The following SESTD1 variants were observed in gnomAD, a reference collection of about 807,000 sequenced individuals.
SESTD1 encodes the protein SEC14 and spectrin domain containing 1.
Under a neutral mutation model 101.7 loss-of-function variants are expected in SESTD1, and 43 were observed. That is an observed-to-expected ratio of 0.42 (90% CI 0.33 to 0.55). The LOEUF (loss-of-function observed/expected upper bound fraction) is 0.55, where lower values mean the gene tolerates loss of function less well. Among genes scored for constraint, SESTD1 ranks in the 20% least tolerant of loss-of-function variants. The pLI is 0.07. For synonymous variants in SESTD1, 283 were observed against 286.8 expected, an observed-to-expected ratio of 0.99 and a Z score of 0.13; for missense variants, 647 against 815.1, an observed-to-expected ratio of 0.79 and a Z score of 2.51.
chr2:179,125,063 C>G (rs2044838729), intron 10 of SESTD1, among the ~76,000 whole-genome samples: 1 of 152,114 alleles, frequency 6.6e-6, no homozygotes, highest in Non-Finnish European at 1.5e-5. Context: ...ACATAGGCAC[C>G]CACCACCATC....
intron 1 of SESTD1, among the ~76,000 whole-genome samples, chr2:179,196,046 G>C (rs1044839244): frequency 3.3e-5 from 5 of 152,114 alleles, no homozygotes; most frequent in African/African-American, 1.2e-4. Context: ...CTGAGGTACC[G>C]GGTTCATCTC....
chr2:179,113,435 A>G (rs1248854851), intron 16 of SESTD1, among the ~76,000 whole-genome samples: 1 of 152,208 alleles, frequency 6.6e-6, no homozygotes, highest in African/African-American at 2.4e-5. Flanking sequence ...AAATATGGTA[A>G]TCTCTATAGT....
rs541957508 is a variant in SESTD1 at position 179,204,640 on chromosome 2, A to T, written c.-25-12774T>A. On this transcript the variant is annotated intron_variant, in intron 1 of 17. Coordinates refer to ENST00000428443, the MANE Select transcript of SESTD1 (RefSeq NM_178123.5). The stretch of plus-strand genomic sequence containing the variant: ...CAAAAAAACCTCTCTACTTATATTA[A>T]TTTTGCCTCAGCTTCTTCCTTTTAG... 1.3e-3 allele frequency among the ~76,000 whole-genome samples: 174 copies of T among 134,890 alleles called. 31 individuals carry two copies. The highest frequency in any genetic ancestry group is 2.3e-3 in the Non-Finnish European group (145 of 62,724). 88.5% of individuals were successfully genotyped at this position (134,890 alleles called of 152,430 possible).
At chr2:179,117,157 C>T (rs529951177) in intron 14 of SESTD1, among the ~76,000 whole-genome samples, 14 of 152,188 alleles carry the variant, frequency 9.2e-5, no homozygotes, top group African/African-American at 2.6e-4. Context: ...CTGATGATAA[C>T]GACAAAATAT....
chr2:179,261,616 T>C (rs1193045130), intron 1 of SESTD1, among the ~76,000 whole-genome samples: 2 of 152,092 alleles, frequency 1.3e-5, no homozygotes, highest in Non-Finnish European at 1.5e-5. Context: ...AGGATGGCTA[T>C]CATCAAAAAG....
At position 179,109,586 on chromosome 2, in the gene SESTD1, T is replaced by C. The variant is rs2044462337; in HGVS notation, c.*313A>G. 2 of 419,544 alleles carry C rather than the reference T, an allele frequency of 4.8e-6. No homozygotes were observed. Among genetic ancestry groups the C allele is most frequent in the Non-Finnish European group, 8.4e-6 (2 of 238,146 alleles). 26.0% of individuals were successfully genotyped at this position (419,544 alleles called of 1,614,324 possible). On this transcript the variant is annotated 3_prime_UTR_variant, in exon 18 of 18. Coordinates refer to ENST00000428443, the MANE Select transcript of SESTD1 (RefSeq NM_178123.5). ...TTAATAGAGAGAATTCCTACTCTTATTAGCACCATTCAAAGCTTATTATCA... is the reference window on the plus strand; with the variant it reads ...TTAATAGAGAGAATTCCTACTCTTACTAGCACCATTCAAAGCTTATTATCA...
At chr2:179,259,988 G>A (rs77967254) in intron 1 of SESTD1, among the ~76,000 whole-genome samples, 14,043 of 152,166 alleles carry the variant, frequency 0.092, 2,109 homozygotes, top group African/African-American at 0.32. Flanking sequence ...AATTTTTATA[G>A]ATACTTGTGA....
chr2:179,115,173 C>T lies in SESTD1; in HGVS notation c.1731G>A (p.Gly577=), dbSNP rs199658686. 118 of 1,613,586 alleles carry T rather than the reference C, an allele frequency of 7.3e-5. No individual in the cohort carries two copies. Among genetic ancestry groups the T allele is most frequent in the Non-Finnish European group, 8.4e-5 (99 of 1,179,900 alleles). ...QSLRCTSRSS[G]DTLPRLNRVW... ...CTCTGTTCAGTCGAGGAAGTGTATC[C>T]CCAGATGACCGAGAAGTGCAGCGCA... The change falls in exon 16 of 18, where the codon GGG becomes GGA. Residue 577 remains glycine, a synonymous_variant. Coordinates refer to ENST00000428443, the MANE Select transcript of SESTD1 (RefSeq NM_178123.5).
intron 2 of SESTD1, among the ~76,000 whole-genome samples, chr2:179,188,811 C>G (rs1217102152): frequency 6.6e-6 from 1 of 152,130 alleles, no homozygotes; most frequent in Non-Finnish European, 1.5e-5. Context: ...TCTGTGCACA[C>G]TAACTAGAAA....
chr2:179,136,319 C>G (rs1332159347), intron 9 of SESTD1, among the ~76,000 whole-genome samples: 1 of 152,154 alleles, frequency 6.6e-6, no homozygotes, highest in Non-Finnish European at 1.5e-5. Flanking sequence ...TTTCTGTAGC[C>G]TAGTTCCCTC....
chr2:179,232,144 AAGT>A lies in SESTD1; in HGVS notation c.-26+32352_-26+32354del, dbSNP rs769903492. Among the ~76,000 whole-genome samples the A allele has an allele frequency of 4.6e-5, 7 of 152,246 alleles. No homozygotes were observed. In the South Asian group the frequency reaches 6.2e-4, roughly 14 times the overall value. On this transcript the variant is annotated intron_variant, in intron 1 of 17. Coordinates refer to ENST00000428443, the MANE Select transcript of SESTD1 (RefSeq NM_178123.5). ...TTAAAAAGCAACAGTATATTTTATGAAGTAGTAATAATGCAAACACTCTGATCA... is the reference window on the plus strand; with the variant it reads ...TTAAAAAGCAACAGTATATTTTATGAAGTAATAATGCAAACACTCTGATCA...
chr2:179,248,017 C>T (rs1392274092), intron 1 of SESTD1, among the ~76,000 whole-genome samples: 1 of 151,492 alleles, frequency 6.6e-6, no homozygotes, highest in Non-Finnish European at 1.5e-5. Flanking sequence ...ATTTAAGCTC[C>T]CATCTCAAGA....
intron 5 of SESTD1, among the ~76,000 whole-genome samples, chr2:179,153,051 A>G (rs987076813): frequency 2.0e-5 from 3 of 152,232 alleles, no homozygotes; most frequent in African/African-American, 7.2e-5. Flanking sequence ...AATAATGGTA[A>G]CAACATAAAG....
At chr2:179,233,500 C>A (rs2047015723) in intron 1 of SESTD1, among the ~76,000 whole-genome samples, 1 of 152,062 alleles carries the variant, frequency 6.6e-6, no homozygotes, top group Non-Finnish European at 1.5e-5. Flanking sequence ...GTCACCCAGG[C>A]TGGAGTGCAG....
intron 1 of SESTD1, among the ~76,000 whole-genome samples, chr2:179,199,468 A>T (rs1161011806): frequency 1.3e-5 from 2 of 152,264 alleles, no homozygotes; most frequent in Admixed American, 6.5e-5. Flanking sequence ...GGCCAGCATC[A>T]TCCTGATACC....
At chr2:179,229,749 TTATATATATATA>T (rs71023472) in intron 1 of SESTD1, among the ~76,000 whole-genome samples, 5 of 106,362 alleles carry the variant, frequency 4.7e-5, no homozygotes, top group South Asian at 3.9e-4. Flanking sequence ...TTGTAAGAAC[TTATATATATATA>T]TATATATATA....
chr2:179,136,933 T>C (rs1359815250), intron 9 of SESTD1, among the ~76,000 whole-genome samples: 1 of 152,140 alleles, frequency 6.6e-6, no homozygotes, highest in African/African-American at 2.4e-5. Context: ...CTGAAAGTAA[T>C]TTCCCTTAGT....
rs1291141848 is a variant in SESTD1 at position 179,183,122 on chromosome 2, T to C, written c.122A>G (p.Asp41Gly). 6.2e-7 allele frequency: 1 copy of C among 1,612,108 alleles called. No individual in the cohort carries two copies. Among genetic ancestry groups the C allele is most frequent in the Non-Finnish European group, 8.5e-7 (1 of 1,178,998 alleles). The change falls in exon 3 of 18, where the codon GAT becomes GGT. Residue 41 changes from aspartate to glycine, a missense_variant. Around this residue, in one of 3 missense-constraint regions of SESTD1, gnomAD observed 168 missense variants for 235.1 expected, o/e 0.71. Transcript: ENST00000428443. Reference protein sequence around the residue: ...IPLCLEQTNMDELSVTLDYLL... With the variant: ...IPLCLEQTNMGELSVTLDYLL... Reference sequence around the variant, plus strand: ...GTAGTCTAAGGTGACACTCAGCTCATCCATATTTGTCTGTTCGAGGCATAA... The same window carrying C: ...GTAGTCTAAGGTGACACTCAGCTCACCCATATTTGTCTGTTCGAGGCATAA...
intron 3 of SESTD1, among the ~76,000 whole-genome samples, chr2:179,181,952 T>C (rs2046119379): frequency 6.8e-6 from 1 of 146,402 alleles, no homozygotes. Context: ...ACTGAAAAAA[T>C]TGAAAATTTT....
Sources: allele counts gnomAD v4.1 joint callset (sites outside exome capture counted in the v4.1 genomes callset), GRCh38; gene constraint gnomAD v4.1.1; regional missense constraint gnomAD v4.1.1; transcripts MANE v1.5; gene names NCBI Gene and HGNC (gene_info 2026-07-23, HGNC 2026-07-21).